ARFGEF3: variants seen among roughly 807,000 people sequenced by gnomAD.
The protein encoded by ARFGEF3 is ARFGEF family member 3.
A neutral mutation model predicts 221.7 loss-of-function variants in ARFGEF3; 96 were observed. That is an observed-to-expected ratio of 0.43 (90% CI 0.37 to 0.51). The LOEUF is 0.51. Ranked by LOEUF, ARFGEF3 falls within the 20% of genes least tolerant of loss-of-function variation. ARFGEF3 has a pLI of 0.00. For missense variants in ARFGEF3, 2,410 were observed against 2,789.9 expected, an observed-to-expected ratio of 0.86 and a Z score of 3.07; for synonymous variants, 1,145 against 1,126.8, an observed-to-expected ratio of 1.02 and a Z score of -0.32.
At chr6:138,223,800 CAT>C (rs1425178510) in intron 4 of ARFGEF3, among the ~76,000 whole-genome samples, 2 of 152,186 alleles carry the variant, frequency 1.3e-5, no homozygotes, top group Non-Finnish European at 2.9e-5. Flanking sequence ...CCTTGTGTAT[CAT>C]GTGTTGGACC....
chr6:138,193,550 G>T (rs1475506599), intron 2 of ARFGEF3, among the ~76,000 whole-genome samples: 1 of 152,110 alleles, frequency 6.6e-6, no homozygotes, highest in African/African-American at 2.4e-5. Flanking sequence ...TTAAAGAAAT[G>T]CTCTATTTAT....
chr6:138,330,157 T>C (rs1320968915), intron 32 of ARFGEF3, among the ~76,000 whole-genome samples: 2 of 152,220 alleles, frequency 1.3e-5, no homozygotes, highest in Non-Finnish European at 2.9e-5. Context: ...ACCAGCCATC[T>C]GGATGTGTAC....
In ARFGEF3 at chr6:138,162,259, C is replaced by A. The variant is rs1776630657; in HGVS notation, c.85+88C>A. Reference sequence around the variant, plus strand: ...CTCCGCGCGTGGGGCTTTCGCGGAGCGTCGGTCATGGGTGCCGTTCTGGCG... The same window carrying A: ...CTCCGCGCGTGGGGCTTTCGCGGAGAGTCGGTCATGGGTGCCGTTCTGGCG... On this transcript the variant is annotated intron_variant, in intron 1 of 33. Coordinates refer to ENST00000251691, the MANE Select transcript of ARFGEF3 (RefSeq NM_020340.5). The surrounding 1 kb of genome is among the most constrained non-coding windows in gnomAD (Gnocchi z 4.7). 2.2e-6 allele frequency: 2 copies of A among 916,748 alleles called. No individual in the cohort carries two copies. The highest frequency in any genetic ancestry group is 3.2e-6 in the Non-Finnish European group (2 of 616,284). The allele number at this position is 916,748 out of a possible 1,614,324, so 56.8% of individuals were successfully genotyped here.
intron 1 of ARFGEF3, among the ~76,000 whole-genome samples, chr6:138,169,671 T>C (rs1326542860): frequency 6.6e-6 from 1 of 152,200 alleles, no homozygotes; most frequent in East Asian, 1.9e-4. Flanking sequence ...TTGACTTCAG[T>C]CCTTCATCTT....
Position 138,339,693 on chromosome 6 carries a change from G to C in ARFGEF3, c.*3207G>C, listed in dbSNP as rs1041917791. 1.3e-5 allele frequency: 2 copies of C among 152,120 alleles called. No homozygotes were observed. Among genetic ancestry groups the C allele is most frequent in the African/African-American group, 4.8e-5 (2 of 41,432 alleles). The allele number at this position is 152,120 out of a possible 1,614,324, so 9.4% of individuals were successfully genotyped here. On this transcript the variant is annotated 3_prime_UTR_variant, in exon 34 of 34. Coordinates refer to ENST00000251691, the MANE Select transcript of ARFGEF3 (RefSeq NM_020340.5). Reference sequence around the variant, plus strand: ...TCTCTCTGTCATTAATGAGGACATCGGTTTTCACAATTGAACCTCATGCAC... The same window carrying C: ...TCTCTCTGTCATTAATGAGGACATCCGTTTTCACAATTGAACCTCATGCAC...
At chr6:138,245,943 C>T (rs370456758) in intron 8 of ARFGEF3, among the ~76,000 whole-genome samples, 1 of 152,152 alleles carries the variant, frequency 6.6e-6, no homozygotes, top group South Asian at 2.1e-4. Context: ...AGCTGTGTCC[C>T]GGTGCCTGAC....
chr6:138,228,842 G>A (rs891363027), intron 4 of ARFGEF3, among the ~76,000 whole-genome samples: 1 of 152,224 alleles, frequency 6.6e-6, no homozygotes, highest in Non-Finnish European at 1.5e-5. Flanking sequence ...CTGCAGGCAG[G>A]GCATGGCTGT....
intron 1 of ARFGEF3, among the ~76,000 whole-genome samples, chr6:138,168,433 T>G (rs1776761534): frequency 6.6e-6 from 1 of 152,118 alleles, no homozygotes; most frequent in Admixed American, 6.5e-5. Flanking sequence ...AAGTAGGAAG[T>G]GAGGACCAGA....
chr6:138,307,317 C>T lies in ARFGEF3; in HGVS notation c.3893C>T (p.Pro1298Leu). Residue 1298 changes from proline (P) to leucine (L), a missense_variant, in exon 23 of 34, where the codon CCC becomes CTC. Transcript: ENST00000251691. ...CSTQIQSGWR[P>L]LFSALETVHG... ...ACGCAGATCCAGTCGGGATGGAGAC[C>T]CTTGTTCAGTGCCCTGGAAACAGTG... 1 of 1,613,950 alleles carries T rather than the reference C, an allele frequency of 6.2e-7. No homozygotes were observed. The highest frequency in any genetic ancestry group is 8.5e-7 in the Non-Finnish European group (1 of 1,179,882).
At chr6:138,174,402 A>G (rs1776896005) in intron 2 of ARFGEF3, among the ~76,000 whole-genome samples, 1 of 144,778 alleles carries the variant, frequency 6.9e-6, no homozygotes, top group African/African-American at 2.6e-5. Context: ...GGCACTTTAA[A>G]CCAGGAGAGC....
At chr6:138,198,607 A>G (rs868453113) in intron 2 of ARFGEF3, among the ~76,000 whole-genome samples, 5 of 152,300 alleles carry the variant, frequency 3.3e-5, no homozygotes, top group Middle Eastern at 3.4e-3. Context: ...GAGGGTAGAA[A>G]CCTTTCATAT....
intron 4 of ARFGEF3, among the ~76,000 whole-genome samples, chr6:138,223,791 C>G (rs1368362173): frequency 6.6e-6 from 1 of 152,082 alleles, no homozygotes; most frequent in African/African-American, 2.4e-5. Context: ...AGCATTACAC[C>G]TTGTGTATCA....
chr6:138,241,058 A>G (rs149871882), intron 6 of ARFGEF3, among the ~76,000 whole-genome samples: 64 of 152,354 alleles, frequency 4.2e-4, no homozygotes, highest in African/African-American at 1.4e-3. Flanking sequence ...TACTAGCGTT[A>G]TGCATTAGCC....
chr6:138,212,180 A>G (rs1777739304), intron 4 of ARFGEF3, among the ~76,000 whole-genome samples: 1 of 152,244 alleles, frequency 6.6e-6, no homozygotes. Flanking sequence ...ATTATGTCAC[A>G]TAGTTATCAC....
At chr6:138,253,335 A>G (rs1778612932) in intron 8 of ARFGEF3, among the ~76,000 whole-genome samples, 1 of 151,992 alleles carries the variant, frequency 6.6e-6, no homozygotes, top group Admixed American at 6.5e-5. Flanking sequence ...AATCACCCCA[A>G]CTGTATTATC....
intron 8 of ARFGEF3, among the ~76,000 whole-genome samples, chr6:138,245,820 G>T (rs1353950853): frequency 6.6e-6 from 1 of 152,140 alleles, no homozygotes; most frequent in Non-Finnish European, 1.5e-5. Flanking sequence ...GTGACAATGG[G>T]AAGATGATAC....
intron 7 of ARFGEF3, 140 bp from the exon 8 acceptor site, chr6:138,245,373 G>A (rs1778466401): frequency 3.1e-6 from 2 of 648,788 alleles, no homozygotes; most frequent in South Asian, 1.8e-5. Flanking sequence ...TCACTTTGGT[G>A]GCCTAAGGGC....
intron 19 of ARFGEF3, among the ~76,000 whole-genome samples, chr6:138,293,170 C>G (rs961664212): frequency 1.3e-5 from 2 of 152,200 alleles, no homozygotes; most frequent in African/African-American, 4.8e-5. Context: ...ATGGTGCCCC[C>G]ACAGCACTGT....
intron 21 of ARFGEF3, among the ~76,000 whole-genome samples, chr6:138,298,316 G>A (rs1306156452): frequency 6.6e-6 from 1 of 152,184 alleles, no homozygotes; most frequent in East Asian, 1.9e-4. Flanking sequence ...CAGTGAGCAT[G>A]TTCTGTACCA....
Sources: gnomAD v4.1 joint callset for allele counts (sites outside exome capture counted in the v4.1 genomes callset) on GRCh38, gnomAD v4.1.1 for gene constraint, Gnocchi (gnomAD v3.1) non-coding constraint, MANE v1.5 for transcripts, NCBI Gene and HGNC (gene_info 2026-07-23, HGNC 2026-07-21) for gene names.